The following SP4 variants were observed in gnomAD, a reference collection of about 807,000 sequenced individuals.
SP4 encodes the protein transcription factor Sp4.
In SP4, 19 loss-of-function variants were observed where a neutral mutation model predicts 72.8. That is an observed-to-expected ratio of 0.26 (90% CI 0.18 to 0.38). The LOEUF is 0.38. Among genes scored for constraint, SP4 ranks in the 10% least tolerant of loss-of-function variants. The pLI is 1.00. For missense variants in SP4, 1,008 were observed against 926.3 expected (o/e 1.09, Z -1.14); for synonymous variants, 395 against 333.1 (o/e 1.19, Z -2.02).
At chr7:21,449,095 A>G (rs370142826) in intron 3 of SP4, among the ~76,000 whole-genome samples, 1 of 152,186 alleles carries the variant, frequency 6.6e-6, no homozygotes, top group East Asian at 1.9e-4. Flanking sequence ...CTCATACTTT[A>G]GACCACCTGC....
chr7:21,470,102 A>ATG (rs1235356824), intron 3 of SP4, among the ~76,000 whole-genome samples: 2 of 152,176 alleles, frequency 1.3e-5, no homozygotes, highest in African/African-American at 2.4e-5. Flanking sequence ...ACCCATGTGC[A>ATG]TGTGTATTGT....
At chr7:21,471,692 G>A (rs78778546) in intron 3 of SP4, among the ~76,000 whole-genome samples, 1,610 of 152,210 alleles carry the variant, frequency 0.011, 24 homozygotes, top group African/African-American at 0.037. Context: ...AAATTAACTA[G>A]GTGTGGTGGC....
At chr7:21,509,497 T>A (rs1782091018) in intron 5 of SP4, among the ~76,000 whole-genome samples, 1 of 151,922 alleles carries the variant, frequency 6.6e-6, no homozygotes, top group South Asian at 2.1e-4. Flanking sequence ...TGGTTTTAAA[T>A]CTTTGTAGCA....
At chr7:21,435,086 A>G (rs1783004142) in intron 3 of SP4, among the ~76,000 whole-genome samples, 1 of 152,252 alleles carries the variant, frequency 6.6e-6, no homozygotes, top group African/African-American at 2.4e-5. Context: ...TAAATCTGTA[A>G]TTAACTTGGA....
intron 5 of SP4, among the ~76,000 whole-genome samples, chr7:21,484,488 A>G (rs897657313): frequency 2.6e-5 from 4 of 151,900 alleles, no homozygotes; most frequent in Non-Finnish European, 5.9e-5. Context: ...ATAGCGTCGC[A>G]ATCCCTGAAA....
chr7:21,500,142 A>AT (rs1182348678), intron 5 of SP4, among the ~76,000 whole-genome samples: 3 of 152,006 alleles, frequency 2.0e-5, no homozygotes, highest in East Asian at 1.9e-4. Context: ...CAAAAGGAGC[A>AT]TTTTTTTTCC....
chr7:21,428,646 C>T, intron 1 of SP4, 31 bp from the exon 2 acceptor site: 2 of 1,511,192 alleles, frequency 1.3e-6, no homozygotes, highest in South Asian at 2.4e-5. Context: ...AACCTGTTGT[C>T]GTGTGTGTGT....
At chr7:21,434,466 C>G (rs1336893957) in intron 3 of SP4, among the ~76,000 whole-genome samples, 1 of 152,154 alleles carries the variant, frequency 6.6e-6, no homozygotes, top group Non-Finnish European at 1.5e-5. Context: ...TAATGTGTTT[C>G]TGTGCTTTGG....
At chr7:21,506,254 GC>G (rs1424583637) in intron 5 of SP4, among the ~76,000 whole-genome samples, 5 of 152,140 alleles carry the variant, frequency 3.3e-5, no homozygotes, top group Admixed American at 6.5e-5. Context: ...GGAGTGAGCT[GC>G]CCCAGTATCA....
Position 21,482,121 on chromosome 7 carries a change from C to T in SP4, c.2105C>T (p.Thr702Ile). ...CTCCAGAGACATAGAAGAACCCATA[C>T]AGGTTAGTTGATTTTAGGACTTGTA... Reference protein sequence around the residue: ...DELQRHRRTHTGEKRFECPEC... With the variant: ...DELQRHRRTHIGEKRFECPEC... The change falls in exon 5 of 6, where the codon ACA becomes ATA. Residue 702 changes from threonine (T) to isoleucine (I), a missense_variant and splice_region_variant. By Grantham distance (89) the Thr-to-Ile change is moderately conservative. Around this residue, in one of 3 missense-constraint regions of SP4, gnomAD observed 48 missense variants for 117.0 expected, o/e 0.41. Coordinates refer to ENST00000222584, the MANE Select transcript of SP4 (RefSeq NM_003112.5). 1 of 1,612,046 alleles carries T rather than the reference C, an allele frequency of 6.2e-7. No individual in the cohort carries two copies. Among genetic ancestry groups the T allele is most frequent in the Non-Finnish European group, 8.5e-7 (1 of 1,178,358 alleles).
chr7:21,512,035 A>G lies in SP4; in HGVS notation c.*766A>G, dbSNP rs57898832. ...ACAAAACTCATCATAGCTTCAGAAA[A>G]ATAAAATGAGGCATCTTAACATGCA... On this transcript the variant is annotated 3_prime_UTR_variant, in exon 6 of 6. Coordinates refer to ENST00000222584, the MANE Select transcript of SP4 (RefSeq NM_003112.5). 0.049 allele frequency: 7,546 copies of G among 152,688 alleles called. 191 individuals carry two copies. The highest frequency in any genetic ancestry group is 0.056 in the Non-Finnish European group (3,793 of 68,004). The allele number at this position is 152,688 out of a possible 1,614,324, so 9.5% of individuals were successfully genotyped here. A position where few individuals can be genotyped will look rare whatever the true frequency, so the allele number is the denominator to read the frequency against.
chr7:21,432,398 TACTTC>T (rs1782891512), intron 3 of SP4, among the ~76,000 whole-genome samples: 1 of 152,358 alleles, frequency 6.6e-6, no homozygotes, highest in South Asian at 2.1e-4. Flanking sequence ...AAGCAGAAGT[TACTTC>T]ACTTCCATTT....
At chr7:21,470,277 T>C (rs1784294734) in intron 3 of SP4, among the ~76,000 whole-genome samples, 1 of 152,226 alleles carries the variant, frequency 6.6e-6, no homozygotes, top group Non-Finnish European at 1.5e-5. Flanking sequence ...ACAAATGACA[T>C]AAAAACCACA....
intron 4 of SP4, 47 bp downstream of exon 4, chr7:21,477,354 A>C: frequency 7.7e-7 from 1 of 1,295,908 alleles, no homozygotes; most frequent in Non-Finnish European, 1.1e-6. Flanking sequence ...GGCATAAAAC[A>C]GCAGTTAAAA....
chr7:21,429,710 A>G lies in SP4; in HGVS notation c.545A>G (p.Asn182Ser), dbSNP rs1477528239. 11 of 1,614,150 alleles carry G rather than the reference A, an allele frequency of 6.8e-6. No individual in the cohort carries two copies. The highest frequency in any genetic ancestry group is 2.7e-5 in the African/African-American group (2 of 75,040). ...GTGGAAGGTCAACAAATTCAAATCA[A>G]TCCAACTAGTAGTTCATCTCTACAG... ...QTVEGQQIQI[N>S]PTSSSSLQDL... Residue 182 changes from asparagine to serine, a missense_variant, in exon 3 of 6, where the codon AAT (asparagine) becomes AGT (serine). Transcript: ENST00000222584.
At position 21,430,762 on chromosome 7, in the gene SP4, C is replaced by T; in HGVS notation, c.1597C>T (p.Leu533Phe). The T allele has an allele frequency of 1.2e-6, 2 of 1,614,220 alleles. No individual in the cohort carries two copies. Among genetic ancestry groups the T allele is most frequent in the Non-Finnish European group, 1.7e-6 (2 of 1,180,036 alleles). ...TGCCCAGCTTGCATCAGTGCCTAACCTTCAGACAGTGAGCGTTGCCAACCT... is the reference window on the plus strand; with the variant it reads ...TGCCCAGCTTGCATCAGTGCCTAACTTTCAGACAGTGAGCGTTGCCAACCT... The part of the protein sequence containing the change: ...NTAQLASVPN[L>F]QTVSVANLGA... Residue 533 changes from leucine (L) to phenylalanine (F), a missense_variant, in exon 3 of 6, where the codon CTT becomes TTT. Leu to Phe is a conservative substitution (Grantham distance 22, BLOSUM62 0). Around this residue, in one of 3 missense-constraint regions of SP4, gnomAD observed 893 missense variants for 743.3 expected, o/e 1.20. Transcript: ENST00000222584.
intron 3 of SP4, among the ~76,000 whole-genome samples, chr7:21,435,532 T>G (rs1233678674): frequency 1.3e-5 from 2 of 152,226 alleles, no homozygotes; most frequent in South Asian, 4.1e-4. Context: ...AATGCAAATA[T>G]GGCTTTCCTT....
rs538974960 is a variant in SP4, at chr7:21,509,154, T to A, written c.2108-1868T>A. Reference sequence around the variant, plus strand: ...GTAATGATATATATAATAGCATTCTTATCTTGTTCCTGATGTATAAAGTAA... The same window carrying A: ...GTAATGATATATATAATAGCATTCTAATCTTGTTCCTGATGTATAAAGTAA... On this transcript the variant is annotated intron_variant, in intron 5 of 5. Transcript: ENST00000222584. 2.6e-5 allele frequency among the ~76,000 whole-genome samples: 4 copies of A among 152,298 alleles called. No homozygotes were observed. In the East Asian group the frequency reaches 7.7e-4, roughly 29 times the overall value.
In SP4 at chr7:21,428,151, A is replaced by G; in HGVS notation, c.-101A>G. On this transcript the variant is annotated 5_prime_UTR_variant, in exon 1 of 6. Transcript: ENST00000222584. The stretch of plus-strand genomic sequence containing the variant: ...TGCCAGCTACAGCCTCCTCCGAGCC[A>G]CCGCGGGCGGGCGGGACCGGCCTCT... 1.3e-6 allele frequency: 1 copy of G among 743,390 alleles called. No homozygotes were observed. Among genetic ancestry groups the G allele is most frequent in the South Asian group, 1.5e-5 (1 of 68,096 alleles). 46.0% of individuals were successfully genotyped at this position (743,390 alleles called of 1,614,324 possible).
Sources: gnomAD v4.1 joint callset for allele counts (sites outside exome capture counted in the v4.1 genomes callset) on GRCh38, gnomAD v4.1.1 for gene constraint, gnomAD v4.1.1 regional missense constraint, MANE v1.5 for transcripts, NCBI Gene and HGNC (gene_info 2026-07-23, HGNC 2026-07-21) for gene names.